CLNS1A: variants seen among roughly 807,000 people sequenced by gnomAD.
The protein encoded by CLNS1A is chloride nucleotide-sensitive channel 1A.
CLNS1A carries 16 observed loss-of-function variants against 29.4 expected under a neutral mutation model. The observed-to-expected ratio is 0.54, with a 90% CI of 0.37 to 0.83. The LOEUF (loss-of-function observed/expected upper bound fraction) is 0.83. CLNS1A is among the 40% of genes least tolerant of loss of function. The pLI is 0.00. For missense variants in CLNS1A, 235 were observed against 287.4 expected (o/e 0.82, Z 1.32); for synonymous variants, 96 against 104.8 (o/e 0.92, Z 0.51).
intron 5 of CLNS1A, chr11:77,622,147 C>A: frequency 2.2e-6 from 1 of 450,504 alleles, no homozygotes. Flanking sequence ...AGCCACCCAG[C>A]CTGTATGACA....
chr11:77,637,492 C>G (rs1331730688), intron 1 of CLNS1A, 98 bp downstream of exon 1: 2 of 1,443,496 alleles, frequency 1.4e-6, no homozygotes, highest in Non-Finnish European at 1.8e-6. Flanking sequence ...TCCCAGCAGG[C>G]CTCCAGGCCG....
At chr11:77,624,794 G>A (rs1958999114) in intron 4 of CLNS1A, among the ~76,000 whole-genome samples, 169 bp downstream of exon 4, 2 of 151,876 alleles carry the variant, frequency 1.3e-5, no homozygotes, top group South Asian at 4.2e-4. Flanking sequence ...ACTCCAGCCT[G>A]GGCAACAAAA....
chr11:77,635,178 A>G (rs1470968893), intron 1 of CLNS1A, among the ~76,000 whole-genome samples: 1 of 152,202 alleles, frequency 6.6e-6, no homozygotes, highest in Non-Finnish European at 1.5e-5. Flanking sequence ...TATTGTGGTT[A>G]TACAAGATAA....
At chr11:77,627,605 G>A (rs1287616017) in intron 2 of CLNS1A, among the ~76,000 whole-genome samples, 1 of 152,038 alleles carries the variant, frequency 6.6e-6, no homozygotes, top group African/African-American at 2.4e-5. Flanking sequence ...TGATTATAGA[G>A]CACATATTTA....
intron 2 of CLNS1A, among the ~76,000 whole-genome samples, chr11:77,628,515 C>T (rs1451702303): frequency 1.3e-5 from 2 of 152,148 alleles, no homozygotes; most frequent in African/African-American, 2.4e-5. Flanking sequence ...TGAACCTTTT[C>T]CAATGGCAAG....
intron 5 of CLNS1A, 142 bp from the exon 6 acceptor site, chr11:77,619,837 A>C: frequency 1.5e-6 from 1 of 646,576 alleles, no homozygotes. Context: ...GTCTGAAGGG[A>C]CAAACTGAGA....
chr11:77,626,986 C>T (rs1243075188), intron 2 of CLNS1A, among the ~76,000 whole-genome samples: 4 of 145,760 alleles, frequency 2.7e-5, no homozygotes, highest in South Asian at 4.5e-4. Flanking sequence ...TGAGCCACCG[C>T]GCCCAGCCCT....
rs538736190 is a variant in CLNS1A, at chr11:77,635,727, C to A, written c.125+1863G>T. On this transcript the variant is annotated intron_variant, in intron 1 of 6. Transcript: ENST00000525428. ...AAAGGAGTTATAATACTGAAAGAAG[C>A]GTCAACATACAGAAATGTCATGAAT... Among the ~76,000 whole-genome samples, 3 of 152,106 alleles carry A rather than the reference C, an allele frequency of 2.0e-5. No homozygotes were observed. The South Asian group carries it at 6.2e-4, about 31-fold the overall frequency.
At chr11:77,617,149 C>A (rs531732043) in intron 6 of CLNS1A, among the ~76,000 whole-genome samples, 87 of 152,048 alleles carry the variant, frequency 5.7e-4, no homozygotes, top group African/African-American at 2.0e-3. Context: ...AGGCGGATAA[C>A]CTGAGGTCAG....
At position 77,637,764 on chromosome 11, in the gene CLNS1A, T is replaced by A. The variant is rs1326943252; in HGVS notation, c.-50A>T. 6.6e-7 allele frequency: 1 copy of A among 1,521,394 alleles called. No homozygotes were observed. Among genetic ancestry groups the A allele is most frequent in the Non-Finnish European group, 8.8e-7 (1 of 1,130,104 alleles). The allele number at this position is 1,521,394 out of a possible 1,614,324, so 94.2% of individuals were successfully genotyped here. A position where few individuals can be genotyped will look rare whatever the true frequency, so the allele number is the denominator to read the frequency against. ...CCCTGAGGGAGTTGGAGCACAGCAA[T>A]GCGTGCACCACACCGCCCGCCCTGG... On this transcript the variant is annotated 5_prime_UTR_variant, in exon 1 of 7. Transcript: ENST00000525428.
chr11:77,623,428 A>C (rs1353283239), intron 4 of CLNS1A, among the ~76,000 whole-genome samples: 1 of 151,914 alleles, frequency 6.6e-6, no homozygotes, highest in Admixed American at 6.6e-5. Flanking sequence ...CATCTCTCCA[A>C]AAAAATGTTT....
intron 2 of CLNS1A, among the ~76,000 whole-genome samples, chr11:77,626,601 C>T (rs1378056720): frequency 6.6e-6 from 1 of 151,128 alleles, no homozygotes; most frequent in Non-Finnish European, 1.5e-5. Context: ...ATCACAGCAT[C>T]GCACTCCAGC....
At chr11:77,627,299 C>T (rs1479491550) in intron 2 of CLNS1A, among the ~76,000 whole-genome samples, 15 of 150,776 alleles carry the variant, frequency 9.9e-5, no homozygotes, top group Non-Finnish European at 1.3e-4. Flanking sequence ...ATTAGCGGGG[C>T]GTGGTGGCGG....
chr11:77,630,045 A>G, intron 1 of CLNS1A, 146 bp from the exon 2 acceptor site: 1 of 664,924 alleles, frequency 1.5e-6, no homozygotes, highest in Non-Finnish European at 2.4e-6. Context: ...AAATAAGAAA[A>G]TTCAGTAGTG....
At chr11:77,628,436 C>A (rs1211161777) in intron 2 of CLNS1A, among the ~76,000 whole-genome samples, 2 of 152,122 alleles carry the variant, frequency 1.3e-5, no homozygotes, top group Non-Finnish European at 2.9e-5. Context: ...ACTACTACAC[C>A]CCAAGGTTAA....
At chr11:77,631,223 C>T (rs1959070281) in intron 1 of CLNS1A, among the ~76,000 whole-genome samples, 1 of 152,140 alleles carries the variant, frequency 6.6e-6, no homozygotes, top group Non-Finnish European at 1.5e-5. Context: ...ACCACATGAC[C>T]CTCAGTTACC....
Position 77,622,809 on chromosome 11 carries a change from G to C in CLNS1A, c.473-136C>G, listed in dbSNP as rs893058564. On this transcript the variant is annotated intron_variant, in intron 4 of 6. Coordinates refer to ENST00000525428, the MANE Select transcript of CLNS1A (RefSeq NM_001293.3). ...CTAAAAATACAAAAATTAGCCAGGC[G>C]TGGTGGCACGCGCCTGTTGTCCCAG... The C allele has an allele frequency of 2.0e-5, 12 of 605,694 alleles. No individual in the cohort carries two copies. The African/African-American group carries it at 2.3e-4, about 11-fold the overall frequency. The allele number at this position is 605,694 out of a possible 1,614,324, so 37.5% of individuals were successfully genotyped here. A position where few individuals can be genotyped will look rare whatever the true frequency, so the allele number is the denominator to read the frequency against.
chr11:77,618,574 A>G (rs1397687761), intron 6 of CLNS1A: 1 of 152,262 alleles, frequency 6.6e-6, no homozygotes, highest in Admixed American at 6.5e-5. Flanking sequence ...GCAGGATGTG[A>G]GAAGAAAGCA....
intron 1 of CLNS1A, among the ~76,000 whole-genome samples, chr11:77,635,033 G>A (rs529854181): frequency 6.6e-6 from 1 of 152,244 alleles, no homozygotes; most frequent in East Asian, 1.9e-4. Flanking sequence ...AAGAACTCCT[G>A]GACTCAAGGG....
Sources: allele counts gnomAD v4.1 joint callset (sites outside exome capture counted in the v4.1 genomes callset), GRCh38; gene constraint gnomAD v4.1.1; transcripts MANE v1.5; gene names NCBI Gene and HGNC (gene_info 2026-07-23, HGNC 2026-07-21).